FGF14: variants seen among roughly 807,000 people sequenced by gnomAD.
FGF14 encodes fibroblast growth factor 14, also known as fibroblast growth factor homologous factor 4.
A neutral mutation model predicts 25.5 loss-of-function variants in FGF14; 5 were observed. The observed-to-expected ratio is 0.20, with a 90% CI of 0.10 to 0.41. FGF14 has a LOEUF of 0.41. Ranked by LOEUF, FGF14 falls within the 10% of genes least tolerant of loss-of-function variation. The pLI, the probability that FGF14 is intolerant of heterozygous loss-of-function variation, is 1.00. For missense variants in FGF14, 222 were observed against 320.1 expected (o/e 0.69, Z 2.34); for synonymous variants, 138 against 118.3 (o/e 1.17, Z -1.08).
chr13:102,158,851 A>G (rs1412667677), intron 1 of FGF14, among the ~76,000 whole-genome samples: 1 of 152,110 alleles, frequency 6.6e-6, no homozygotes, highest in Non-Finnish European at 1.5e-5. Flanking sequence ...ACTATTAACA[A>G]CATTCGGCCA....
chr13:102,145,354 GC>G (rs946387236), intron 1 of FGF14, among the ~76,000 whole-genome samples: 53 of 152,152 alleles, frequency 3.5e-4, no homozygotes, highest in African/African-American at 1.3e-3. Flanking sequence ...GTCTGGATCT[GC>G]TAAAGCTGTC....
chr13:101,747,085 T>A (rs540824836), intron 3 of FGF14, among the ~76,000 whole-genome samples: 2 of 152,104 alleles, frequency 1.3e-5, no homozygotes, highest in African/African-American at 4.8e-5. Flanking sequence ...AGTGGTATGT[T>A]GAGCATTGTC....
rs191023706 is a variant in FGF14 at position 101,963,264 on chromosome 13, T to C, written c.209-87968A>G. Among the ~76,000 whole-genome samples, 89 of 152,376 alleles carry C rather than the reference T, an allele frequency of 5.8e-4. 1 individual carries two copies. The highest frequency in any genetic ancestry group is 5.8e-3 in the Admixed American group (89 of 15,296). Reference sequence around the variant, plus strand: ...TTGTGACTCTTCTATTCTAGAAATGTTAATTCCCCCATTTTATTTATCTAG... The same window carrying C: ...TTGTGACTCTTCTATTCTAGAAATGCTAATTCCCCCATTTTATTTATCTAG... On this transcript the variant is annotated intron_variant, in intron 1 of 4. Transcript: ENST00000376131.
chr13:102,245,442 A>T (rs1252309773), intron 1 of FGF14, among the ~76,000 whole-genome samples: 1 of 152,094 alleles, frequency 6.6e-6, no homozygotes, highest in African/African-American at 2.4e-5. Context: ...TTTTATTTTC[A>T]TGACTGGGGC....
At chr13:102,091,132 T>C (rs2044145523) in intron 1 of FGF14, among the ~76,000 whole-genome samples, 3 of 152,192 alleles carry the variant, frequency 2.0e-5, no homozygotes, top group African/African-American at 4.8e-5. Flanking sequence ...TGCAAATGCT[T>C]AGGTACAATT....
chr13:102,189,006 AAG>A (rs749394078), intron 1 of FGF14, among the ~76,000 whole-genome samples: 2,630 of 69,664 alleles, frequency 0.038, 58 homozygotes, highest in Middle Eastern at 0.067. Flanking sequence ...GAAAGAAAGA[AAG>A]AGAAAGAATG....
intron 1 of FGF14, among the ~76,000 whole-genome samples, chr13:101,877,479 A>G (rs189227670): frequency 7.9e-5 from 12 of 152,232 alleles, no homozygotes; most frequent in African/African-American, 2.6e-4. Context: ...TTAAGTAGTA[A>G]TAATATGACA....
intron 1 of FGF14, among the ~76,000 whole-genome samples, chr13:102,183,898 G>T (rs1008439155): frequency 6.6e-6 from 1 of 152,168 alleles, no homozygotes; most frequent in African/African-American, 2.4e-5. Flanking sequence ...TTGCAGTGTT[G>T]CTGTGAGGAC....
intron 1 of FGF14, among the ~76,000 whole-genome samples, chr13:102,022,021 C>A (rs1258740000): frequency 2.0e-5 from 3 of 152,102 alleles, no homozygotes; most frequent in Non-Finnish European, 2.9e-5. Context: ...CCAGATAGAA[C>A]TGCCATATCT....
At chr13:102,180,471 C>G (rs1173772463) in intron 1 of FGF14, among the ~76,000 whole-genome samples, 1 of 152,046 alleles carries the variant, frequency 6.6e-6, no homozygotes, top group African/African-American at 2.4e-5. Flanking sequence ...TGCCACCATG[C>G]CCAGCTAAGT....
chr13:102,401,378 G>T (rs1332708054), intron 1 of FGF14: 2 of 1,196,434 alleles, frequency 1.7e-6, no homozygotes, highest in African/African-American at 1.5e-5. Context: ...TGTTTCCCCT[G>T]CCTTCCTGCA....
At chr13:101,985,568 A>G (rs1464240998) in intron 1 of FGF14, among the ~76,000 whole-genome samples, 1 of 152,040 alleles carries the variant, frequency 6.6e-6, no homozygotes, top group East Asian at 1.9e-4. Flanking sequence ...ACTGTCCTTC[A>G]TGGTGTGAGA....
rs114867970 is a variant in FGF14, at chr13:101,769,871, A to G, written c.409-43061T>C. 4.4e-3 allele frequency among the ~76,000 whole-genome samples: 674 copies of G among 152,312 alleles called. 6 individuals are homozygous for G. The highest frequency in any genetic ancestry group is 0.016 in the African/African-American group (654 of 41,584). ...CAGTGAAAATACTCTGTATGATACT[A>G]TAATCATGGATACATGTCATCATAT... On this transcript the variant is annotated intron_variant, in intron 3 of 4. Coordinates refer to ENST00000376143, the MANE Select transcript of FGF14 (RefSeq NM_004115.4).
At chr13:102,347,760 T>C (rs2057154966) in intron 1 of FGF14, among the ~76,000 whole-genome samples, 1 of 151,972 alleles carries the variant, frequency 6.6e-6, no homozygotes, top group Non-Finnish European at 1.5e-5. Context: ...GAACACTAGG[T>C]GATGCTAGAG....
intron 1 of FGF14, among the ~76,000 whole-genome samples, chr13:101,994,150 T>C (rs2039055210): frequency 6.6e-6 from 1 of 152,078 alleles, no homozygotes; most frequent in African/African-American, 2.4e-5. Context: ...AGTGTGTATG[T>C]ACATGTGTTT....
intron 1 of FGF14, among the ~76,000 whole-genome samples, chr13:101,906,695 G>A (rs1192582858): frequency 1.4e-4 from 22 of 152,050 alleles, no homozygotes; most frequent in Admixed American, 1.4e-3. Flanking sequence ...CTATAAATTT[G>A]TTCATCTACT....
At chr13:101,923,686 ATTAATG>A (rs779847914) in intron 1 of FGF14, among the ~76,000 whole-genome samples, 17 of 152,108 alleles carry the variant, frequency 1.1e-4, no homozygotes, top group Non-Finnish European at 2.1e-4. Context: ...AAGTGATTGC[ATTAATG>A]TTATAACAGT....
intron 1 of FGF14, among the ~76,000 whole-genome samples, chr13:102,026,417 C>CT (rs1286910680): frequency 6.6e-6 from 1 of 151,028 alleles, no homozygotes; most frequent in South Asian, 2.1e-4. Context: ...TTGTAATATA[C>CT]TTTTTTTGAT....
intron 1 of FGF14, among the ~76,000 whole-genome samples, chr13:102,251,350 G>A (rs1261721760): frequency 6.6e-6 from 1 of 152,170 alleles, no homozygotes; most frequent in Admixed American, 6.6e-5. Context: ...CTCTGAGTGA[G>A]GGCTGGAGCT....
Sources: gnomAD v4.1 joint callset for allele counts (sites outside exome capture counted in the v4.1 genomes callset) on GRCh38, gnomAD v4.1.1 for gene constraint, MANE v1.5 for transcripts, NCBI Gene and HGNC (gene_info 2026-07-23, HGNC 2026-07-21) for gene names.